The following DCBLD2 variants were observed in gnomAD, a reference collection of about 807,000 sequenced individuals.
DCBLD2 encodes the protein discoidin, CUB and LCCL domain containing 2, also known as discoidin, CUB and LCCL domain-containing protein 2.
In DCBLD2, 54 loss-of-function variants were observed where a neutral mutation model predicts 86.8. The ratio of observed to expected loss-of-function variants is 0.62; its 90% CI spans 0.50 to 0.78. The LOEUF is 0.78. Among genes scored for constraint, DCBLD2 ranks in the 30% least tolerant of loss-of-function variants. The pLI is 0.00. For missense variants in DCBLD2, 908 were observed against 954.2 expected, an observed-to-expected ratio of 0.95 and a Z score of 0.64; for synonymous variants, 354 against 341.3, an observed-to-expected ratio of 1.04 and a Z score of -0.41.
chr3:98,877,444 G>C (rs958667405), intron 2 of DCBLD2, among the ~76,000 whole-genome samples: 4 of 152,116 alleles, frequency 2.6e-5, no homozygotes, highest in East Asian at 1.9e-4. Flanking sequence ...TACAGGTAAT[G>C]GGAGCAAGAT....
chr3:98,874,591 T>C (rs981963983), intron 2 of DCBLD2, among the ~76,000 whole-genome samples: 4 of 152,334 alleles, frequency 2.6e-5, no homozygotes, highest in African/African-American at 7.2e-5. Context: ...GACCAGATAC[T>C]GGTACGCCCC....
At chr3:98,852,123 T>C (rs2439234) in intron 2 of DCBLD2, among the ~76,000 whole-genome samples, 147,845 of 152,358 alleles carry the variant, frequency 0.97, 71,889 homozygotes, top group Non-Finnish European at 1. Context: ...TTTATTCCCC[T>C]TCTCCCCAGC....
At chr3:98,810,316 G>A (rs1042401728) in intron 12 of DCBLD2, among the ~76,000 whole-genome samples, 23 of 152,204 alleles carry the variant, frequency 1.5e-4, no homozygotes, top group African/African-American at 5.1e-4. Context: ...CCTGCAGCAT[G>A]AGAAAGTAAT....
intron 3 of DCBLD2, among the ~76,000 whole-genome samples, chr3:98,846,742 C>G (rs1942732111): frequency 6.6e-6 from 1 of 152,096 alleles, no homozygotes. Context: ...AAATTTGGTA[C>G]AGGTTTGTAA....
At chr3:98,880,956 A>G (rs1404358119) in intron 2 of DCBLD2, among the ~76,000 whole-genome samples, 2 of 152,152 alleles carry the variant, frequency 1.3e-5, no homozygotes, top group African/African-American at 4.8e-5. Flanking sequence ...TAAAAATGAG[A>G]TAATTGGCTG....
chr3:98,812,471 T>G lies in DCBLD2; in HGVS notation c.1224A>C (p.Gly408=), dbSNP rs778232538. 6.2e-7 allele frequency: 1 copy of G among 1,612,580 alleles called. No individual in the cohort carries two copies. Among genetic ancestry groups the G allele is most frequent in the Non-Finnish European group, 8.5e-7 (1 of 1,179,218 alleles). ...PGVEQDKIFQ[G]NKDYHQDVRN... ...GCACATCCTGGTGATAATCTTTGTTTCCTTGAAATATCTTTAAAAAAACAA... is the reference window on the plus strand; with the variant it reads ...GCACATCCTGGTGATAATCTTTGTTGCCTTGAAATATCTTTAAAAAAACAA... Residue 408 remains glycine (G), a synonymous_variant, in exon 10 of 16, where the codon GGA becomes GGC. Transcript: ENST00000326840.
chr3:98,808,030 C>T lies in DCBLD2; in HGVS notation c.1670+51G>A, dbSNP rs1941870204. The T allele has an allele frequency of 4.5e-6, 6 of 1,346,512 alleles. No individual in the cohort carries two copies. In the African/African-American group the frequency reaches 6.0e-5, roughly 13 times the overall value. The allele number at this position is 1,346,512 out of a possible 1,614,324, so 83.4% of individuals were successfully genotyped here. On this transcript the variant is annotated intron_variant, in intron 13 of 15. Transcript: ENST00000326840. Reference sequence around the variant, plus strand: ...CATTTTCATCTTCTATATTTAGCTTCTACTTCACATTTGGTAGTTTTGGAC... The same window carrying T: ...CATTTTCATCTTCTATATTTAGCTTTTACTTCACATTTGGTAGTTTTGGAC...
chr3:98,833,223 C>T (rs961286074), intron 3 of DCBLD2, among the ~76,000 whole-genome samples: 1 of 152,144 alleles, frequency 6.6e-6, no homozygotes, highest in African/African-American at 2.4e-5. Context: ...GTCTATTCTG[C>T]TGTTAATACT....
Position 98,839,124 on chromosome 3 carries a change from T to C in DCBLD2, c.571+10337A>G, listed in dbSNP as rs1478876065. ...TCCCTTCTTTCTTTCTTTCTTTTTC[T>C]TTCTTTCCTTCCTTCCTTCCTTCTT... On this transcript the variant is annotated intron_variant, in intron 3 of 15. Transcript: ENST00000326840. 1.8e-3 allele frequency among the ~76,000 whole-genome samples: 52 copies of C among 28,200 alleles called. 1 individual carries two copies. Among genetic ancestry groups the C allele is most frequent in the African/African-American group, 3.5e-3 (42 of 12,170 alleles). 18.5% of individuals were successfully genotyped at this position (28,200 alleles called of 152,430 possible). A position where few individuals can be genotyped will look rare whatever the true frequency, so the allele number is the denominator to read the frequency against.
chr3:98,870,866 G>C (rs552773144), intron 2 of DCBLD2, among the ~76,000 whole-genome samples: 2 of 152,132 alleles, frequency 1.3e-5, no homozygotes, highest in East Asian at 3.9e-4. Context: ...TCTGTAGATT[G>C]TTTTGGGCAG....
chr3:98,871,831 A>C (rs1350574265), intron 2 of DCBLD2, among the ~76,000 whole-genome samples: 1 of 152,200 alleles, frequency 6.6e-6, no homozygotes, highest in Non-Finnish European at 1.5e-5. Context: ...ATCTTTTAGA[A>C]TAGTTTCAGT....
At chr3:98,839,737 TG>T (rs1942586397) in intron 3 of DCBLD2, among the ~76,000 whole-genome samples, 1 of 151,866 alleles carries the variant, frequency 6.6e-6, no homozygotes, top group African/African-American at 2.4e-5. Flanking sequence ...TACCTCTGGG[TG>T]GGGTGGGGGA....
At chr3:98,802,632 G>A (rs1482055945) in intron 13 of DCBLD2, among the ~76,000 whole-genome samples, 7 of 152,164 alleles carry the variant, frequency 4.6e-5, no homozygotes, top group Admixed American at 2.0e-4. Flanking sequence ...CCATGTCTGT[G>A]TCCTGAATGG....
intron 2 of DCBLD2, among the ~76,000 whole-genome samples, chr3:98,881,162 G>T (rs991022748): frequency 6.6e-5 from 10 of 151,590 alleles, no homozygotes; most frequent in African/African-American, 9.7e-5. Flanking sequence ...GCCGAGGCAG[G>T]AGGATAGCTT....
intron 2 of DCBLD2, among the ~76,000 whole-genome samples, chr3:98,873,856 A>C (rs1943320591): frequency 6.6e-6 from 1 of 152,182 alleles, no homozygotes; most frequent in Non-Finnish European, 1.5e-5. Flanking sequence ...TAATGAAAAA[A>C]GAGGGTGGGA....
chr3:98,800,984 G>C (rs1023877658), intron 14 of DCBLD2, among the ~76,000 whole-genome samples: 1 of 152,020 alleles, frequency 6.6e-6, no homozygotes, highest in Non-Finnish European at 1.5e-5. Context: ...TTTAGGGGTG[G>C]CCTTAATTAC....
At position 98,797,405 on chromosome 3, in the gene DCBLD2, CTT is replaced by C. The variant is rs1941629082; in HGVS notation, c.*1965_*1966del. On this transcript the variant is annotated 3_prime_UTR_variant, in exon 16 of 16. Transcript: ENST00000326840. ...TGAAATAGTTACCAAAAACATCTCT[CTT>C]AAAGCTTCAAACAGGTATATTACTT... is the stretch of plus-strand genomic sequence containing the variant. 6.6e-6 allele frequency: 1 copy of C among 152,508 alleles called. No individual in the cohort carries two copies. The highest frequency in any genetic ancestry group is 1.5e-5 in the Non-Finnish European group (1 of 68,014). The allele number at this position is 152,508 out of a possible 1,614,324, so 9.4% of individuals were successfully genotyped here. A position where few individuals can be genotyped will look rare whatever the true frequency, so the allele number is the denominator to read the frequency against.
rs988154671 is a variant in DCBLD2 at position 98,901,267 on chromosome 3, G to C, written c.60C>G (p.Ala20=). The part of the protein sequence containing the change: ...RRCPQCPQVR[A]AAAAPAWAAL... ...CGGCCCAGGCGGGGGCGGCGGCCGCGGCCCGGACTTGGGGACACTGCGGGC... is the reference window on the plus strand; with the variant it reads ...CGGCCCAGGCGGGGGCGGCGGCCGCCGCCCGGACTTGGGGACACTGCGGGC... Residue 20 remains alanine (A), a synonymous_variant, in exon 1 of 16, where the codon GCC becomes GCG. Transcript: ENST00000326840. The C allele has an allele frequency of 4.6e-6, 7 of 1,530,714 alleles. No individual in the cohort carries two copies. The Admixed American group carries it at 1.4e-4, about 30-fold the overall frequency. 94.8% of individuals were successfully genotyped at this position (1,530,714 alleles called of 1,614,324 possible).
In DCBLD2 at chr3:98,800,588, C is replaced by G; in HGVS notation, c.1849G>C (p.Asp617His). Residue 617 changes from aspartate to histidine, a missense_variant, in exon 15 of 16, where the codon GAC (aspartate) becomes CAC (histidine). Asp to His is a moderately conservative substitution (Grantham distance 81). Around this residue, in one of 3 missense-constraint regions of DCBLD2, gnomAD observed 606 missense variants for 678.5 expected, o/e 0.89. Coordinates refer to ENST00000326840, the MANE Select transcript of DCBLD2 (RefSeq NM_080927.4). ...PREVTTVLQA[D>H]SAEYAQPLVG... is the part of the protein sequence containing the mutation. ...GCTGCAACATAGTTACCTGCAGAGT[C>G]AGCCTGCAGCACTGTGGTGACTTCT... 3 of 1,612,966 alleles carry G rather than the reference C, an allele frequency of 1.9e-6. No homozygotes were observed. Among genetic ancestry groups the G allele is most frequent in the Non-Finnish European group, 2.5e-6 (3 of 1,179,418 alleles).
Sources: gnomAD v4.1 joint callset for allele counts (sites outside exome capture counted in the v4.1 genomes callset) on GRCh38, gnomAD v4.1.1 for gene constraint, gnomAD v4.1.1 regional missense constraint, MANE v1.5 for transcripts, NCBI Gene and HGNC (gene_info 2026-07-23, HGNC 2026-07-21) for gene names.